TOX: variants seen among roughly 807,000 people sequenced by gnomAD.
TOX encodes thymocyte selection associated high mobility group box, also known as thymocyte selection-associated high mobility group box protein TOX.
In TOX, 11 loss-of-function variants were observed where a neutral mutation model predicts 53.7. The ratio of observed to expected loss-of-function variants is 0.20; its 90% CI spans 0.13 to 0.34. The LOEUF (loss-of-function observed/expected upper bound fraction) is 0.34, where lower values mean the gene tolerates loss of function less well. TOX is among the 10% of genes least tolerant of loss of function. The pLI, the probability that TOX is intolerant of heterozygous loss-of-function variation, is 1.00. For synonymous variants in TOX, 225 were observed against 245.3 expected (o/e 0.92, Z 0.77); for missense variants, 570 against 664.6 (o/e 0.86, Z 1.56).
intron 4 of TOX, among the ~76,000 whole-genome samples, chr8:58,850,626 C>T (rs982105775): frequency 1.3e-5 from 2 of 152,124 alleles, no homozygotes; most frequent in East Asian, 1.9e-4. Context: ...AGCAGAGTGT[C>T]GTCTGCAATC....
chr8:58,946,654 C>A (rs1189729203), intron 2 of TOX, among the ~76,000 whole-genome samples: 1 of 152,152 alleles, frequency 6.6e-6, no homozygotes, highest in Non-Finnish European at 1.5e-5. Context: ...TTTCAAGCAA[C>A]AGTTATCAAA....
Position 58,964,330 on chromosome 8 carries a change from C to G in TOX, c.103-4322G>C, listed in dbSNP as rs568468371. ...TGTATCAGAATAGGCGTAGTCATTC[C>G]CATTGAGGTTGAAATCTCGTGGTTG... On this transcript the variant is annotated intron_variant, in intron 1 of 8. Coordinates refer to ENST00000361421, the MANE Select transcript of TOX (RefSeq NM_014729.3). Among the ~76,000 whole-genome samples the G allele has an allele frequency of 3.3e-5, 5 of 152,196 alleles. No individual in the cohort carries two copies. The South Asian group carries it at 1.0e-3, about 32-fold the overall frequency.
At chr8:58,908,066 A>G (rs1356525165) in intron 3 of TOX, among the ~76,000 whole-genome samples, 6 of 152,090 alleles carry the variant, frequency 3.9e-5, no homozygotes, top group Non-Finnish European at 8.8e-5. Context: ...TACATTAGCT[A>G]TTCTTCCTGA....
chr8:58,955,100 C>G (rs1812688266), intron 2 of TOX, among the ~76,000 whole-genome samples: 1 of 152,130 alleles, frequency 6.6e-6, no homozygotes, highest in Admixed American at 6.5e-5. Flanking sequence ...ATGTCAAATG[C>G]TTAGTTGTAA....
intron 3 of TOX, among the ~76,000 whole-genome samples, chr8:58,922,908 C>T (rs976784192): frequency 2.6e-5 from 4 of 152,136 alleles, no homozygotes; most frequent in Non-Finnish European, 5.9e-5. Flanking sequence ...GACATTTGAG[C>T]TGAGACCTGA....
chr8:59,098,155 C>T lies in TOX; in HGVS notation c.102+20731G>A, dbSNP rs534207558. Among the ~76,000 whole-genome samples, 15 of 152,230 alleles carry T rather than the reference C, an allele frequency of 9.9e-5. No homozygotes were observed. In the East Asian group the frequency reaches 1.7e-3, roughly 18 times the overall value. On this transcript the variant is annotated intron_variant, in intron 1 of 8. Coordinates refer to ENST00000361421, the MANE Select transcript of TOX (RefSeq NM_014729.3). ...AAAAGGTGGCCTCACAGGTACCTGC[C>T]GGAGCGCCAGCAGCCAGGTTCAACA...
At chr8:58,918,864 A>T (rs1192503390) in intron 3 of TOX, among the ~76,000 whole-genome samples, 4 of 150,596 alleles carry the variant, frequency 2.7e-5, no homozygotes, top group Admixed American at 6.6e-5. Flanking sequence ...AAGTCTCAGG[A>T]TACAAAATCA....
intron 1 of TOX, among the ~76,000 whole-genome samples, chr8:58,990,859 C>T (rs369032306): frequency 6.6e-6 from 1 of 152,120 alleles, no homozygotes; most frequent in Non-Finnish European, 1.5e-5. Flanking sequence ...TAAATGTGTC[C>T]CTTGTCCATT....
At chr8:58,993,980 A>G (rs1449151041) in intron 1 of TOX, among the ~76,000 whole-genome samples, 1 of 152,158 alleles carries the variant, frequency 6.6e-6, no homozygotes, top group Non-Finnish European at 1.5e-5. Flanking sequence ...AAAATTTCCA[A>G]AAATAGAACA....
At position 59,119,012 on chromosome 8, in the gene TOX, T is replaced by A; in HGVS notation, c.-25A>T. ...TTTCACTCTCACATCAAGCAACTCCTTTTCTTTTTCCTTTTTTAAAAAAAA... is the reference window on the plus strand; with the variant it reads ...TTTCACTCTCACATCAAGCAACTCCATTTCTTTTTCCTTTTTTAAAAAAAA... On this transcript the variant is annotated 5_prime_UTR_variant, in exon 1 of 9. It adds an upstream start codon to the 5' untranslated region. Coordinates refer to ENST00000361421, the MANE Select transcript of TOX (RefSeq NM_014729.3). 1 of 1,515,052 alleles carries A rather than the reference T, an allele frequency of 6.6e-7. No individual in the cohort carries two copies. Among genetic ancestry groups the A allele is most frequent in the Non-Finnish European group, 9.1e-7 (1 of 1,097,012 alleles). 93.9% of individuals were successfully genotyped at this position (1,515,052 alleles called of 1,614,324 possible).
rs1230063488 is a variant in TOX, at chr8:59,118,749, A to T, written c.102+137T>A. 4.3e-6 allele frequency: 2 copies of T among 462,296 alleles called. No individual in the cohort carries two copies. The highest frequency in any genetic ancestry group is 7.4e-6 in the Non-Finnish European group (2 of 271,196). The allele number at this position is 462,296 out of a possible 1,614,324, so 28.6% of individuals were successfully genotyped here. A position where few individuals can be genotyped will look rare whatever the true frequency, so the allele number is the denominator to read the frequency against. On this transcript the variant is annotated intron_variant, in intron 1 of 8. Coordinates refer to ENST00000361421, the MANE Select transcript of TOX (RefSeq NM_014729.3). The surrounding 1 kb of genome is among the most constrained non-coding windows in gnomAD (Gnocchi z 4.1). ...CAATATTTACTACCCAAGCGCACGC[A>T]GGCTGCAGCGGGCTGCGAGCCGAGC...
chr8:58,805,825 T>C lies in TOX; in HGVS notation c.*1922A>G, dbSNP rs1809964792. The C allele has an allele frequency of 6.5e-6, 1 of 152,696 alleles. No individual in the cohort carries two copies. 9.5% of individuals were successfully genotyped at this position (152,696 alleles called of 1,614,324 possible). ...ACAGTCATTTTAATAATCACATGGA[T>C]CTGCATTATTTATTAGTTATTACAT... On this transcript the variant is annotated 3_prime_UTR_variant, in exon 9 of 9. Transcript: ENST00000361421.
chr8:58,922,861 A>T (rs1812095451), intron 3 of TOX, among the ~76,000 whole-genome samples: 1 of 152,236 alleles, frequency 6.6e-6, no homozygotes, highest in South Asian at 2.1e-4. Context: ...GCAGGGCAGG[A>T]GCAAGGTGCC....
At chr8:58,808,418 A>T (rs1810024810) in intron 7 of TOX, 149 bp from the exon 8 acceptor site, 1 of 964,740 alleles carries the variant, frequency 1.0e-6, no homozygotes, top group Non-Finnish European at 1.4e-6. Context: ...CAGAAAATTT[A>T]AAACAAAGGT....
At chr8:58,880,601 A>G (rs971116790) in intron 3 of TOX, among the ~76,000 whole-genome samples, 1 of 152,172 alleles carries the variant, frequency 6.6e-6, no homozygotes, top group Non-Finnish European at 1.5e-5. Flanking sequence ...TCTTTCTGCT[A>G]GAATAAGACC....
At chr8:59,047,139 A>G (rs1174790795) in intron 1 of TOX, among the ~76,000 whole-genome samples, 1 of 147,056 alleles carries the variant, frequency 6.8e-6, no homozygotes, top group East Asian at 2.1e-4. Flanking sequence ...ACCTACCTGC[A>G]CTCACTGTGC....
intron 1 of TOX, among the ~76,000 whole-genome samples, chr8:59,012,886 G>T (rs310363): frequency 2.0e-5 from 3 of 148,520 alleles, no homozygotes; most frequent in Admixed American, 2.0e-4. Context: ...CCCAGACAGC[G>T]TACTCTTTCC....
At chr8:59,054,581 T>G (rs1213113007) in intron 1 of TOX, among the ~76,000 whole-genome samples, 2 of 152,140 alleles carry the variant, frequency 1.3e-5, no homozygotes, top group Non-Finnish European at 2.9e-5. Flanking sequence ...TTTAGAAATA[T>G]GTTTAGTAAC....
chr8:59,114,288 C>G (rs1805065726), intron 1 of TOX, among the ~76,000 whole-genome samples: 1 of 152,118 alleles, frequency 6.6e-6, no homozygotes, highest in Admixed American at 6.5e-5. Context: ...ACTAAACTAC[C>G]TATGCAATGT....
Sources: gnomAD v4.1 joint callset for allele counts (sites outside exome capture counted in the v4.1 genomes callset) on GRCh38, gnomAD v4.1.1 for gene constraint, Gnocchi (gnomAD v3.1) non-coding constraint, MANE v1.5 for transcripts, NCBI Gene and HGNC (gene_info 2026-07-23, HGNC 2026-07-21) for gene names.